The following DCLK1 variants were observed in gnomAD, a reference collection of about 807,000 sequenced individuals.
DCLK1 encodes the protein doublecortin like kinase 1.
In DCLK1, 16 loss-of-function variants were observed where a neutral mutation model predicts 86.2. That is an observed-to-expected ratio of 0.19 (90% CI 0.13 to 0.28). The LOEUF (loss-of-function observed/expected upper bound fraction) is 0.28, where lower values mean the gene tolerates loss of function less well. Among genes scored for constraint, DCLK1 ranks in the 10% least tolerant of loss-of-function variants. The pLI is 1.00. For missense variants in DCLK1, 590 were observed against 940.2 expected, an observed-to-expected ratio of 0.63 and a Z score of 4.87; for synonymous variants, 369 against 370.5, an observed-to-expected ratio of 1.00 and a Z score of 0.05.
chr13:36,086,132 T>A (rs1269027766), intron 3 of DCLK1, among the ~76,000 whole-genome samples: 3 of 152,104 alleles, frequency 2.0e-5, no homozygotes, highest in Admixed American at 1.3e-4. Flanking sequence ...TTTTCTTCCT[T>A]CCCCCATCCA....
chr13:35,798,301 G>A (rs536750075), intron 15 of DCLK1, among the ~76,000 whole-genome samples: 9 of 152,238 alleles, frequency 5.9e-5, no homozygotes, highest in Non-Finnish European at 8.8e-5. Context: ...CATTTCAGGC[G>A]TCATGCTTTA....
At chr13:35,783,522 C>A (rs2153098096) in intron 16 of DCLK1, among the ~76,000 whole-genome samples, 1 of 152,252 alleles carries the variant, frequency 6.6e-6, no homozygotes, top group African/African-American at 2.4e-5. Context: ...CTTCTTGACT[C>A]CAAAGCCACA....
At chr13:35,835,410 G>A (rs965916656) in intron 8 of DCLK1, among the ~76,000 whole-genome samples, 2 of 152,208 alleles carry the variant, frequency 1.3e-5, no homozygotes, top group African/African-American at 4.8e-5. Flanking sequence ...GATACCGAGT[G>A]GAGGGCTTGA....
chr13:36,083,357 T>C (rs1392221647), intron 3 of DCLK1, among the ~76,000 whole-genome samples: 3 of 152,238 alleles, frequency 2.0e-5, no homozygotes, highest in African/African-American at 7.2e-5. Flanking sequence ...GAAACTTCTC[T>C]TTCATCTCGA....
chr13:36,034,374 T>C (rs1174152889), intron 3 of DCLK1, among the ~76,000 whole-genome samples: 1 of 152,188 alleles, frequency 6.6e-6, no homozygotes. Context: ...GTACAATATA[T>C]TTTTCCTGTA....
At chr13:35,811,821 C>A (rs933233494) in intron 11 of DCLK1, among the ~76,000 whole-genome samples, 6 of 149,578 alleles carry the variant, frequency 4.0e-5, no homozygotes, top group Non-Finnish European at 8.9e-5. Flanking sequence ...GCAACAAGAG[C>A]GAAAATCTGT....
intron 4 of DCLK1, among the ~76,000 whole-genome samples, chr13:35,871,999 C>T (rs981485478): frequency 3.3e-5 from 5 of 152,196 alleles, no homozygotes; most frequent in Non-Finnish European, 2.9e-5. Flanking sequence ...AACAACTTCA[C>T]TTTCATTAGA....
chr13:35,837,811 A>C (rs1869496286), intron 7 of DCLK1, among the ~76,000 whole-genome samples: 1 of 152,184 alleles, frequency 6.6e-6, no homozygotes, highest in East Asian at 1.9e-4. Context: ...CATGCCTGTA[A>C]TCCTAGCACT....
At position 35,975,808 on chromosome 13, in the gene DCLK1, C is replaced by T. The variant is rs73520110; in HGVS notation, c.724-28351G>A. On this transcript the variant is annotated intron_variant, in intron 3 of 16. Transcript: ENST00000360631. ...CTGATGTCTAATGACATCTGGGCCA[C>T]GCTCCCTTGCCTTTTGTGTGCCAAC... Among the ~76,000 whole-genome samples the T allele has an allele frequency of 3.8e-3, 582 of 152,268 alleles. 3 individuals are homozygous for T. The highest frequency in any genetic ancestry group is 0.013 in the African/African-American group (541 of 41,564).
At chr13:35,958,102 TAACCACCATCACCACCACCACTAC>T (rs1566620482) in intron 3 of DCLK1, among the ~76,000 whole-genome samples, 45 of 476 alleles carry the variant, frequency 0.095, no homozygotes, top group Admixed American at 0.21. Context: ...ACCACCGCTA[TAACCACCATCACCACCACCACTAC>T]CACTACTATA....
At chr13:36,059,655 G>C (rs1004345337) in intron 3 of DCLK1, among the ~76,000 whole-genome samples, 1 of 152,136 alleles carries the variant, frequency 6.6e-6, no homozygotes, top group African/African-American at 2.4e-5. Flanking sequence ...GGTGGGGTCT[G>C]ACTGGTTTTC....
intron 16 of DCLK1, among the ~76,000 whole-genome samples, chr13:35,786,979 T>C (rs569473291): frequency 5.3e-5 from 8 of 152,102 alleles, no homozygotes; most frequent in Admixed American, 1.3e-4. Context: ...TCTGAATCAT[T>C]TGTCAAGGTA....
rs138522677 is a variant in DCLK1 at position 35,890,562 on chromosome 13, C to T, written c.824-19222G>A. Among the ~76,000 whole-genome samples the T allele has an allele frequency of 3.3e-3, 505 of 152,114 alleles. 12 individuals are homozygous for T. The highest frequency in any genetic ancestry group is 0.028 in the Admixed American group (431 of 15,252). Reference sequence around the variant, plus strand: ...AAACTGCAGTAAACCTTATAAAATACTTTGGTATATTTGTGCACAAAATTT... The same window carrying T: ...AAACTGCAGTAAACCTTATAAAATATTTTGGTATATTTGTGCACAAAATTT... On this transcript the variant is annotated intron_variant, in intron 4 of 16. Transcript: ENST00000360631.
At chr13:36,016,385 T>C (rs1019612063) in intron 3 of DCLK1, among the ~76,000 whole-genome samples, 2 of 152,164 alleles carry the variant, frequency 1.3e-5, no homozygotes, top group African/African-American at 4.8e-5. Flanking sequence ...AATGATCAAC[T>C]AGTCAAGGGG....
At chr13:35,855,868 G>A (rs1470689514) in intron 5 of DCLK1, 1 of 1,128,782 alleles carries the variant, frequency 8.9e-7, no homozygotes, top group Non-Finnish European at 1.1e-6. Flanking sequence ...AAGTGGCCCT[G>A]GGGGCAAGAG....
At chr13:36,105,513 T>A (rs935026603) in intron 3 of DCLK1, among the ~76,000 whole-genome samples, 3 of 152,186 alleles carry the variant, frequency 2.0e-5, no homozygotes, top group East Asian at 1.9e-4. Context: ...GGGTGTGAAC[T>A]ATTTCCAATA....
At position 35,805,740 on chromosome 13, in the gene DCLK1, G is replaced by A. The variant is rs2087014573; in HGVS notation, c.1903C>T (p.Arg635Ter). The A allele has an allele frequency of 6.2e-7, 1 of 1,613,676 alleles. No individual in the cohort carries two copies. Among genetic ancestry groups the A allele is most frequent in the Admixed American group, 1.7e-5 (1 of 59,882 alleles). The change falls in exon 15 of 17, where the codon CGA (arginine) becomes TGA (stop). Residue 635 changes from arginine (R) to a stop codon, truncating the protein, a stop_gained. Coordinates refer to ENST00000360631, the MANE Select transcript of DCLK1 (RefSeq NM_001330071.2). LOFTEE classifies it high-confidence loss of function. ...TMMLLVDVDQ[R>*]FSAVQVLEHP... is the part of the protein sequence containing the mutation. ...TCAAGTACTTGAACAGCAGAAAATC[G>A]CTGATCTACATCGACCAACAGCATC...
rs559712911 is a variant in DCLK1, at chr13:35,845,074, C to G, written c.1036-5898G>C. Among the ~76,000 whole-genome samples, 454 of 152,176 alleles carry G rather than the reference C, an allele frequency of 3.0e-3. 3 individuals carry two copies. Among genetic ancestry groups the G allele is most frequent in the African/African-American group, 0.01 (429 of 41,514 alleles). On this transcript the variant is annotated intron_variant, in intron 6 of 16. Coordinates refer to ENST00000360631, the MANE Select transcript of DCLK1 (RefSeq NM_001330071.2). ...AACAGCCTGGCCAACATGGCGAAAC[C>G]CTGTCTCTACTAAAAATACAAAAAT... is the stretch of plus-strand genomic sequence containing the variant.
Position 35,823,446 on chromosome 13 carries a change from T to C in DCLK1, c.1408-571A>G, listed in dbSNP as rs117444836. 7.8e-3 allele frequency among the ~76,000 whole-genome samples: 1,193 copies of C among 152,160 alleles called. 12 individuals are homozygous for C. Among genetic ancestry groups the C allele is most frequent in the Non-Finnish European group, 0.013 (870 of 67,992 alleles). ...GGCATAGTGTTTTCTTTTTCAATATTGTGCTCCTTTGTAAGGAACAGAGAA... is the reference window on the plus strand; with the variant it reads ...GGCATAGTGTTTTCTTTTTCAATATCGTGCTCCTTTGTAAGGAACAGAGAA... On this transcript the variant is annotated intron_variant, in intron 10 of 16. Transcript: ENST00000360631.
Sources: allele counts gnomAD v4.1 joint callset (sites outside exome capture counted in the v4.1 genomes callset), GRCh38; gene constraint gnomAD v4.1.1; transcripts MANE v1.5; gene names NCBI Gene and HGNC (gene_info 2026-07-23, HGNC 2026-07-21).